The following OSBPL9 variants were observed in gnomAD, a reference collection of about 807,000 sequenced individuals.
The protein encoded by OSBPL9 is oxysterol binding protein like 9.
A neutral mutation model predicts 106.6 loss-of-function variants in OSBPL9; 40 were observed. The observed-to-expected ratio is 0.38, with a 90% confidence interval of 0.29 to 0.49. The LOEUF is 0.49. Among genes scored for constraint, OSBPL9 ranks in the 20% least tolerant of loss-of-function variants. The probability of loss-of-function intolerance (pLI) is 0.97; values close to 1 mark genes in which losing one functional copy is unlikely to be tolerated. For synonymous variants in OSBPL9, 269 were observed against 295.4 expected (o/e 0.91, Z 0.92); for missense variants, 609 against 887.2 (o/e 0.69, Z 3.98).
Position 51,787,401 on chromosome 1 carries a change from A to G in OSBPL9, c.2049A>G (p.Ala683=). 2 of 1,614,110 alleles carry G rather than the reference A, an allele frequency of 1.2e-6. No individual in the cohort carries two copies. The highest frequency in any genetic ancestry group is 1.7e-6 in the Non-Finnish European group (2 of 1,179,940). Residue 683 remains alanine (A), a synonymous_variant, in exon 23 of 24, where the codon GCA becomes GCG. Transcript: ENST00000428468. ...TFNLKIRDID[A]ATEAKHRLEE... ...ACTTAAAAATCAGAGACATTGATGC[A>G]GCAACTGAAGCAAAGCACAGGCTTG...
intron 2 of OSBPL9, among the ~76,000 whole-genome samples, chr1:51,605,518 A>G (rs1166085032): frequency 6.6e-6 from 1 of 152,216 alleles, no homozygotes; most frequent in Non-Finnish European, 1.5e-5. Context: ...TTCCAGACAT[A>G]GAGGAGTAAA....
At chr1:51,748,264 A>G (rs1238701765) in intron 6 of OSBPL9, 105 bp from the exon 7 acceptor site, 22 of 1,372,522 alleles carry the variant, frequency 1.6e-5, no homozygotes, top group Non-Finnish European at 2.1e-5. Flanking sequence ...ACTCACTTAG[A>G]ATGAGTACAT....
Position 51,745,647 on chromosome 1 carries a change from G to T in OSBPL9, c.414+16G>T. The T allele has an allele frequency of 6.6e-7, 1 of 1,505,116 alleles. No homozygotes were observed. Among genetic ancestry groups the T allele is most frequent in the Non-Finnish European group, 8.8e-7 (1 of 1,132,322 alleles). The allele number at this position is 1,505,116 out of a possible 1,614,324, so 93.2% of individuals were successfully genotyped here. On this transcript the variant is annotated intron_variant, in intron 5 of 23. Coordinates refer to ENST00000428468, the MANE Select transcript of OSBPL9 (RefSeq NM_024586.6). ...ACAATTAAAGGTATGGCATTAGTTT[G>T]TATATTAAATTTATATAAATAGAAA...
chr1:51,712,369 C>T (rs1660242508), intron 3 of OSBPL9, among the ~76,000 whole-genome samples: 1 of 152,142 alleles, frequency 6.6e-6, no homozygotes, highest in Non-Finnish European at 1.5e-5. Flanking sequence ...CCAGCTTCGG[C>T]TCCACATGAG....
At chr1:51,555,570 T>C in the OSBPL9 span, among the ~76,000 whole-genome samples, 72 of 152,180 alleles carry the variant, frequency 4.7e-4, no homozygotes, top group Middle Eastern at 6.8e-3. Context: ...CTTTTTTTAT[T>C]TTATTTTTAT....
chr1:51,705,324 T>C (rs767505768), intron 3 of OSBPL9, among the ~76,000 whole-genome samples: 4 of 146,752 alleles, frequency 2.7e-5, no homozygotes, highest in Non-Finnish European at 4.5e-5. Context: ...ACCTGCATAG[T>C]ATTCCTTGAT....
At position 51,745,613 on chromosome 1, in the gene OSBPL9, C is replaced by A; in HGVS notation, c.396C>A (p.Ile132=). ...KLTEADAYLQ[I]LIEQLKLFDD... ...CAGAAGCTGATGCTTACCTACAAATCTTGATTGAACAATTAAAGGTATGGC... is the reference window on the plus strand; with the variant it reads ...CAGAAGCTGATGCTTACCTACAAATATTGATTGAACAATTAAAGGTATGGC... The change falls in exon 5 of 24, where the codon ATC becomes ATA. Residue 132 remains isoleucine (I), a synonymous_variant. Transcript: ENST00000428468. 1 of 1,588,878 alleles carries A rather than the reference C, an allele frequency of 6.3e-7. No homozygotes were observed. Among genetic ancestry groups the A allele is most frequent in the Non-Finnish European group, 8.5e-7 (1 of 1,172,500 alleles).
At chr1:51,771,485 G>A (rs577117421) in intron 12 of OSBPL9, among the ~76,000 whole-genome samples, 6 of 151,968 alleles carry the variant, frequency 3.9e-5, no homozygotes, top group Non-Finnish European at 5.9e-5. Context: ...ATAAATATAC[G>A]TGCGTGTGCG....
Position 51,748,392 on chromosome 1 carries a change from A to G in OSBPL9, c.486A>G (p.Thr162=). 1.3e-6 allele frequency: 2 copies of G among 1,520,514 alleles called. No individual in the cohort carries two copies. The highest frequency in any genetic ancestry group is 1.7e-6 in the Non-Finnish European group (2 of 1,143,232). 94.2% of individuals were successfully genotyped at this position (1,520,514 alleles called of 1,614,324 possible). Residue 162 remains threonine, a synonymous_variant, in exon 7 of 24, where the codon ACA becomes ACG. Transcript: ENST00000428468. ...AGAAAATTGAAACTCTCAAAGAGACAACAAATGTAAGTTATATGTTTGATA... is the reference window on the plus strand; with the variant it reads ...AGAAAATTGAAACTCTCAAAGAGACGACAAATGTAAGTTATATGTTTGATA... ...QRKKIETLKE[T]TNSMVESIKH...
At position 51,670,176 on chromosome 1, in the gene OSBPL9, C is replaced by A. The variant is rs549422398; in HGVS notation, c.241+664C>A. On this transcript the variant is annotated intron_variant, in intron 3 of 23. Coordinates refer to ENST00000428468, the MANE Select transcript of OSBPL9 (RefSeq NM_024586.6). ...TTTTGCTTTGAAAACTCTAAACCAGCAAATAAAAGTCAATTTTAATGATCT... is the reference window on the plus strand; with the variant it reads ...TTTTGCTTTGAAAACTCTAAACCAGAAAATAAAAGTCAATTTTAATGATCT... Among the ~76,000 whole-genome samples, 39 of 152,306 alleles carry A rather than the reference C, an allele frequency of 2.6e-4. 2 individuals carry two copies. The South Asian group carries it at 7.5e-3, about 29-fold the overall frequency.
upstream of OSBPL9, among the ~76,000 whole-genome samples, chr1:51,575,651 A>C (rs1238925968): frequency 6.6e-6 from 1 of 152,130 alleles, no homozygotes; most frequent in Non-Finnish European, 1.5e-5. Context: ...TATGAGACCC[A>C]GGGGACTTGA....
the OSBPL9 span, among the ~76,000 whole-genome samples, chr1:51,544,493 A>G: frequency 2.0e-5 from 3 of 152,358 alleles, no homozygotes; most frequent in East Asian, 1.9e-4. Context: ...GCGTGAACAC[A>G]TAACACTTGA....
intron 6 of OSBPL9, among the ~76,000 whole-genome samples, chr1:51,747,946 C>T (rs577816598): frequency 1.1e-3 from 168 of 152,124 alleles, no homozygotes; most frequent in African/African-American, 3.3e-3. Flanking sequence ...CCTGCCACCA[C>T]GCCCAGCTAA....
intron 3 of OSBPL9, chr1:51,669,775 G>A (rs1238003937): frequency 3.4e-6 from 2 of 580,084 alleles, no homozygotes; most frequent in African/African-American, 1.8e-5. Flanking sequence ...AAGGGAGAGA[G>A]TAATGGGCTG....
intron 14 of OSBPL9, among the ~76,000 whole-genome samples, chr1:51,775,975 G>A (rs933434542): frequency 1.3e-5 from 2 of 152,106 alleles, no homozygotes; most frequent in African/African-American, 4.8e-5. Context: ...TAAATGTTAA[G>A]AAATTTTTGC....
chr1:51,608,618 A>G (rs571768050), intron 2 of OSBPL9, among the ~76,000 whole-genome samples: 1 of 151,298 alleles, frequency 6.6e-6, no homozygotes, highest in Non-Finnish European at 1.5e-5. Flanking sequence ...TGATTATTTT[A>G]GAGAGATAGT....
At chr1:51,583,344 C>A (rs1427793482) in intron 1 of OSBPL9, 1 of 152,180 alleles carries the variant, frequency 6.6e-6, no homozygotes, top group Non-Finnish European at 1.5e-5. Context: ...AGACACTGTG[C>A]AAAATGGCTT....
At chr1:51,711,702 G>A (rs1252180902) in intron 3 of OSBPL9, among the ~76,000 whole-genome samples, 3 of 146,842 alleles carry the variant, frequency 2.0e-5, no homozygotes, top group East Asian at 2.1e-4. Flanking sequence ...CAGACGGGGC[G>A]GCCGGGCAGA....
intron 10 of OSBPL9, among the ~76,000 whole-genome samples, chr1:51,761,321 G>C (rs958702028): frequency 6.6e-6 from 1 of 151,652 alleles, no homozygotes; most frequent in Non-Finnish European, 1.5e-5. Flanking sequence ...AGGGCTCAGG[G>C]CCAATACCTA....
Sources: gnomAD v4.1 joint callset for allele counts (sites outside exome capture counted in the v4.1 genomes callset) on GRCh38, gnomAD v4.1.1 for gene constraint, MANE v1.5 for transcripts, NCBI Gene and HGNC (gene_info 2026-07-23, HGNC 2026-07-21) for gene names.